HTR1F: variants seen among roughly 807,000 people sequenced by gnomAD.
HTR1F encodes 5-hydroxytryptamine (serotonin) receptor 1F, G protein-coupled.
A neutral mutation model predicts 24.0 loss-of-function variants in HTR1F; 17 were observed. The observed-to-expected ratio is 0.71, with a 90% CI of 0.48 to 1.06. The LOEUF is 1.06. Among genes scored for constraint, HTR1F ranks in the 50% least tolerant of loss-of-function variants. The probability of loss-of-function intolerance (pLI) is 0.00; values close to 1 mark genes in which losing one functional copy is unlikely to be tolerated. For missense variants in HTR1F, 391 were observed against 427.8 expected (o/e 0.91, Z 0.76); for synonymous variants, 186 against 156.8 (o/e 1.19, Z -1.39).
chr3:87,926,530 A>T (rs1293751829), intron 2 of HTR1F, among the ~76,000 whole-genome samples: 1 of 152,198 alleles, frequency 6.6e-6, no homozygotes, highest in Non-Finnish European at 1.5e-5. Context: ...TTTGTATTTT[A>T]GACAAAGCAT....
chr3:87,818,297 G>A (rs1242722700), intron 1 of HTR1F, among the ~76,000 whole-genome samples: 1 of 152,094 alleles, frequency 6.6e-6, no homozygotes, highest in African/African-American at 2.4e-5. Context: ...GGTGCACAAG[G>A]GAATGGGCAT....
At chr3:87,879,146 A>C (rs1231771828) in intron 2 of HTR1F, among the ~76,000 whole-genome samples, 1 of 152,184 alleles carries the variant, frequency 6.6e-6, no homozygotes, top group East Asian at 1.9e-4. Context: ...TTTAGTTTAA[A>C]AGAATGCTAA....
intron 1 of HTR1F, among the ~76,000 whole-genome samples, chr3:87,814,362 A>T (rs1407410097): frequency 6.6e-6 from 1 of 152,196 alleles, no homozygotes; most frequent in Non-Finnish European, 1.5e-5. Flanking sequence ...TAACATATGT[A>T]TTACCTCATA....
intron 2 of HTR1F, among the ~76,000 whole-genome samples, chr3:87,874,633 G>GAA (rs34554143): frequency 1.5e-5 from 2 of 134,088 alleles, no homozygotes; most frequent in Non-Finnish European, 3.3e-5. Context: ...TGCAAAAATA[G>GAA]AAAAAAAAAA....
At chr3:87,816,168 A>T (rs1365444127) in intron 1 of HTR1F, among the ~76,000 whole-genome samples, 1 of 152,022 alleles carries the variant, frequency 6.6e-6, no homozygotes, top group Non-Finnish European at 1.5e-5. Context: ...TTCTTACTGA[A>T]ATCTTCAGTA....
intron 2 of HTR1F, among the ~76,000 whole-genome samples, chr3:87,832,834 C>T (rs1704610512): frequency 1.3e-5 from 2 of 152,262 alleles, no homozygotes; most frequent in African/African-American, 2.4e-5. Context: ...TTATTTGAAA[C>T]TTTTATCAAG....
chr3:87,838,290 G>C (rs1334832043), intron 2 of HTR1F, among the ~76,000 whole-genome samples: 2 of 152,068 alleles, frequency 1.3e-5, no homozygotes, highest in African/African-American at 2.4e-5. Flanking sequence ...GACCCTACCA[G>C]TGTCAGAATA....
intron 2 of HTR1F, among the ~76,000 whole-genome samples, chr3:87,839,501 C>T (rs1268230619): frequency 2.0e-5 from 3 of 152,060 alleles, no homozygotes. Flanking sequence ...ATGCTTCCTA[C>T]TTCGCTCTTT....
chr3:87,915,879 A>T (rs1424143523), intron 2 of HTR1F, among the ~76,000 whole-genome samples: 1 of 152,176 alleles, frequency 6.6e-6, no homozygotes, highest in Non-Finnish European at 1.5e-5. Context: ...TCATCGCAAA[A>T]ATATTATCAC....
chr3:87,937,445 G>C (rs77412526), intron 2 of HTR1F, among the ~76,000 whole-genome samples: 1 of 152,178 alleles, frequency 6.6e-6, no homozygotes, highest in African/African-American at 2.4e-5. Flanking sequence ...TGTCTAAACT[G>C]GGTATTGAAG....
At chr3:87,934,707 C>A (rs1413038661) in intron 2 of HTR1F, among the ~76,000 whole-genome samples, 2 of 152,112 alleles carry the variant, frequency 1.3e-5, no homozygotes, top group African/African-American at 4.8e-5. Flanking sequence ...TGTCTCTGAG[C>A]AATCAAACAT....
chr3:87,867,206 A>G (rs755122428), intron 2 of HTR1F, among the ~76,000 whole-genome samples: 1 of 151,856 alleles, frequency 6.6e-6, no homozygotes, highest in Non-Finnish European at 1.5e-5. Flanking sequence ...TTTTTGTGTG[A>G]GTCAGTGGTG....
chr3:87,814,288 G>T (rs765220095), intron 1 of HTR1F, among the ~76,000 whole-genome samples: 1 of 151,924 alleles, frequency 6.6e-6, no homozygotes, highest in Non-Finnish European at 1.5e-5. Flanking sequence ...GACAAAAATT[G>T]TATATATATA....
intron 2 of HTR1F, among the ~76,000 whole-genome samples, chr3:87,857,258 A>T (rs1320794413): frequency 6.6e-6 from 1 of 151,926 alleles, no homozygotes; most frequent in Non-Finnish European, 1.5e-5. Context: ...AGAGAAAAAA[A>T]TTCTTACCAA....
At chr3:87,892,865 A>G (rs780565187) in intron 2 of HTR1F, among the ~76,000 whole-genome samples, 12 of 152,166 alleles carry the variant, frequency 7.9e-5, no homozygotes, top group Non-Finnish European at 1.2e-4. Flanking sequence ...CAATTGTTAA[A>G]TAAAAAACAG....
chr3:87,832,935 T>C (rs1704612934), intron 2 of HTR1F, among the ~76,000 whole-genome samples: 2 of 152,204 alleles, frequency 1.3e-5, no homozygotes, highest in Non-Finnish European at 2.9e-5. Context: ...TTGTTTGCTT[T>C]TGTATTCAGA....
At chr3:87,981,520 G>C (rs1479426809) in intron 2 of HTR1F, among the ~76,000 whole-genome samples, 2 of 152,160 alleles carry the variant, frequency 1.3e-5, no homozygotes, top group Non-Finnish European at 2.9e-5. Context: ...ATTCACAGTA[G>C]TTGGTAGTCT....
intron 2 of HTR1F, among the ~76,000 whole-genome samples, chr3:87,829,651 C>T (rs964507719): frequency 6.6e-6 from 1 of 152,200 alleles, no homozygotes; most frequent in African/African-American, 2.4e-5. Context: ...ACCAAACATG[C>T]TATTAACTAT....
intron 2 of HTR1F, among the ~76,000 whole-genome samples, chr3:87,890,830 A>G (rs1409549569): frequency 6.7e-6 from 1 of 150,260 alleles, no homozygotes; most frequent in Non-Finnish European, 1.5e-5. Flanking sequence ...ATTTGACTAC[A>G]AGTCAATTAT....
Sources: allele counts gnomAD v4.1 joint callset (sites outside exome capture counted in the v4.1 genomes callset), GRCh38; gene constraint gnomAD v4.1.1; transcripts MANE v1.5; gene names NCBI Gene and HGNC (gene_info 2026-07-23, HGNC 2026-07-21).